DOCK1: variants seen among roughly 807,000 people sequenced by gnomAD.
DOCK1 encodes the protein dedicator of cytokinesis protein 1.
A neutral mutation model predicts 262.7 loss-of-function variants in DOCK1; 138 were observed. That is an observed-to-expected ratio of 0.53 (90% CI 0.46 to 0.61). The LOEUF is 0.61. Among genes scored for constraint, DOCK1 ranks in the 20% least tolerant of loss-of-function variants. The pLI, the probability that DOCK1 is intolerant of heterozygous loss-of-function variation, is 0.00. For missense variants in DOCK1, 1,908 were observed against 2,370.7 expected, an observed-to-expected ratio of 0.80 and a Z score of 4.05; for synonymous variants, 866 against 867.4, an observed-to-expected ratio of 1.00 and a Z score of 0.03.
rs11016464 is a variant in DOCK1 at position 127,146,269 on chromosome 10, G to A, written c.2847+18505G>A. On this transcript the variant is annotated intron_variant, in intron 27 of 51. Transcript: ENST00000623213. Reference sequence around the variant, plus strand: ...CTCTGCTAATAAATTTTAACTAATTGTTTCACAAATAATATGTTGAGATGG... The same window carrying A: ...CTCTGCTAATAAATTTTAACTAATTATTTCACAAATAATATGTTGAGATGG... 6.4e-3 allele frequency: 1,485 copies of A among 231,148 alleles called. 8 individuals are homozygous for A. Among genetic ancestry groups the A allele is most frequent in the Admixed American group, 0.011 (191 of 16,712 alleles). The allele number at this position is 231,148 out of a possible 1,614,324, so 14.3% of individuals were successfully genotyped here. A position where few individuals can be genotyped will look rare whatever the true frequency, so the allele number is the denominator to read the frequency against.
At chr10:127,378,648 AAT>A (rs2065658715) in intron 35 of DOCK1, among the ~76,000 whole-genome samples, 1 of 152,192 alleles carries the variant, frequency 6.6e-6, no homozygotes, top group African/African-American at 2.4e-5. Flanking sequence ...CCCGTTGTGA[AAT>A]TGTAAAGAAA....
chr10:127,251,112 A>G (rs1056190724), intron 28 of DOCK1, among the ~76,000 whole-genome samples: 3 of 151,504 alleles, frequency 2.0e-5, no homozygotes, highest in Non-Finnish European at 2.9e-5. Flanking sequence ...ACAGGCATGC[A>G]CCACCACACC....
rs144388192 is a variant in DOCK1 at position 127,178,065 on chromosome 10, C to T, written c.2847+50301C>T. ...CCCTTACTGAGTTAGCATGACAGGC[C>T]GAGGTGCACGGTGGTTCCATAAGGG... On this transcript the variant is annotated intron_variant, in intron 27 of 51. Coordinates refer to ENST00000623213, the MANE Select transcript of DOCK1 (RefSeq NM_001290223.2). 5.6e-3 allele frequency among the ~76,000 whole-genome samples: 852 copies of T among 152,170 alleles called. 7 individuals carry two copies. Among genetic ancestry groups the T allele is most frequent in the African/African-American group, 0.019 (801 of 41,512 alleles).
chr10:126,974,328 C>T (rs61875504), intron 2 of DOCK1, among the ~76,000 whole-genome samples: 7,032 of 152,220 alleles, frequency 0.046, 203 homozygotes, highest in Middle Eastern at 0.11. Context: ...TTGATTCAGC[C>T]ACATTCAAAC....
rs2060262460 is a variant in DOCK1 at position 127,263,819 on chromosome 10, A to G, written c.3044+6390A>G. Among the ~76,000 whole-genome samples the G allele has an allele frequency of 2.0e-5, 3 of 152,138 alleles. No individual in the cohort carries two copies. In the South Asian group the frequency reaches 6.2e-4, roughly 32 times the overall value. On this transcript the variant is annotated intron_variant, in intron 29 of 51. Transcript: ENST00000623213. ...CTCCTTGGTTGTTAATGAGAATGTG[A>G]CCACTTGCTTGAATTTTTGTGTCTC...
intron 25 of DOCK1, among the ~76,000 whole-genome samples, chr10:127,124,076 G>T (rs1265696869): frequency 6.6e-6 from 1 of 152,218 alleles, no homozygotes; most frequent in Non-Finnish European, 1.5e-5. Context: ...GGAGACAGGG[G>T]AGTAGAGGGG....
chr10:127,247,948 C>A (rs1008065322), intron 27 of DOCK1, 60 bp from the exon 28 acceptor site: 89 of 1,524,066 alleles, frequency 5.8e-5, no homozygotes, highest in Non-Finnish European at 7.2e-5. Flanking sequence ...GGGATGATTT[C>A]GGCTTTTCCC....
In DOCK1 at chr10:127,445,730, G is replaced by A. The variant is rs542835957; in HGVS notation, c.5413+1451G>A. On this transcript the variant is annotated intron_variant, in intron 50 of 51. Transcript: ENST00000623213. ...ATATTCATAGCAGTATTTTTCAAGA[G>A]CCAGTAAGCAAACACAGGCCAAATG... Among the ~76,000 whole-genome samples the A allele has an allele frequency of 2.0e-5, 3 of 152,292 alleles. No individual in the cohort carries two copies. In the South Asian group the frequency reaches 6.2e-4, roughly 32 times the overall value.
chr10:127,131,518 G>A (rs1249497612), intron 27 of DOCK1, among the ~76,000 whole-genome samples: 1 of 152,150 alleles, frequency 6.6e-6, no homozygotes, highest in East Asian at 1.9e-4. Flanking sequence ...CTGAAAATTC[G>A]AGTTGTTTAG....
At chr10:126,986,374 T>G (rs1175563227) in intron 4 of DOCK1, among the ~76,000 whole-genome samples, 5 of 152,090 alleles carry the variant, frequency 3.3e-5, no homozygotes. Context: ...CATCAAGGGT[T>G]GTAGGTGGGA....
chr10:127,028,286 G>A (rs551072079), intron 16 of DOCK1, among the ~76,000 whole-genome samples: 4 of 152,128 alleles, frequency 2.6e-5, no homozygotes, highest in South Asian at 4.1e-4. Flanking sequence ...AGACCAAGTC[G>A]GATCTGCTAA....
chr10:127,090,284 A>G (rs7087815), intron 23 of DOCK1, among the ~76,000 whole-genome samples: 23,585 of 152,082 alleles, frequency 0.16, 2,203 homozygotes, highest in African/African-American at 0.26. Flanking sequence ...GGGCCGTGTT[A>G]ACATAGACTG....
chr10:127,439,314 C>A (rs1354046879), intron 49 of DOCK1, 89 bp downstream of exon 49: 2 of 1,342,860 alleles, frequency 1.5e-6, no homozygotes, highest in East Asian at 5.0e-5. Context: ...TGACGGTGGG[C>A]TCTTATTGAA....
intron 29 of DOCK1, among the ~76,000 whole-genome samples, chr10:127,296,778 T>C (rs1590324735): frequency 1.3e-5 from 2 of 151,770 alleles, no homozygotes; most frequent in African/African-American, 4.8e-5. Flanking sequence ...GGGAAAGCGG[T>C]AGGGGGTGCT....
At position 127,433,276 on chromosome 10, in the gene DOCK1, C is replaced by T. The variant is rs777114299; in HGVS notation, c.4915-7C>T. The T allele has an allele frequency of 1.2e-6, 2 of 1,613,688 alleles. No individual in the cohort carries two copies. The highest frequency in any genetic ancestry group is 2.2e-5 in the South Asian group (2 of 91,056). On this transcript the variant is annotated splice_polypyrimidine_tract_variant and splice_region_variant and intron_variant, in intron 47 of 51. Coordinates refer to ENST00000623213, the MANE Select transcript of DOCK1 (RefSeq NM_001290223.2). ...CAAGTCTCCTTCTCTCTCTTTCTCGCTCTCAGCCCTCAAGTCTGGATGATA... is the reference window on the plus strand; with the variant it reads ...CAAGTCTCCTTCTCTCTCTTTCTCGTTCTCAGCCCTCAAGTCTGGATGATA...
chr10:127,091,057 C>A (rs1029671442), intron 23 of DOCK1, among the ~76,000 whole-genome samples: 2 of 150,306 alleles, frequency 1.3e-5, no homozygotes, highest in African/African-American at 4.9e-5. Context: ...TCTCGGCTCA[C>A]TGCAAGCTCT....
At chr10:127,327,701 T>A (rs1003408036) in intron 29 of DOCK1, among the ~76,000 whole-genome samples, 7 of 152,204 alleles carry the variant, frequency 4.6e-5, no homozygotes, top group Non-Finnish European at 8.8e-5. Flanking sequence ...ATCTTTACCA[T>A]GCTTTCAACA....
chr10:127,435,435 A>T (rs1028854574), intron 48 of DOCK1, among the ~76,000 whole-genome samples: 3 of 152,132 alleles, frequency 2.0e-5, no homozygotes, highest in African/African-American at 7.2e-5. Context: ...AACTATCCCC[A>T]TATTTTTTCT....
intron 1 of DOCK1, among the ~76,000 whole-genome samples, chr10:126,953,511 TTGGTGGTGGTAGTACTGCTGATGGTGG>T (rs2036499836): frequency 6.6e-6 from 1 of 151,194 alleles, no homozygotes; most frequent in African/African-American, 2.4e-5. Context: ...TTTGGTAATG[TTGGTGGTGGTAGTACTGCTGATGGTGG>T]TGGTGGTGGT....
Sources: allele counts gnomAD v4.1 joint callset (sites outside exome capture counted in the v4.1 genomes callset), GRCh38; gene constraint gnomAD v4.1.1; transcripts MANE v1.5; gene names NCBI Gene and HGNC (gene_info 2026-07-23, HGNC 2026-07-21).